The following EPS15 variants were observed in gnomAD, a reference collection of about 807,000 sequenced individuals.
EPS15 encodes the protein epidermal growth factor receptor pathway substrate 15, also known as epidermal growth factor receptor substrate 15.
A neutral mutation model predicts 113.8 loss-of-function variants in EPS15; 72 were observed. That is an observed-to-expected ratio of 0.63 (90% CI 0.52 to 0.77). The LOEUF is 0.77. Among genes scored for constraint, EPS15 ranks in the 30% least tolerant of loss-of-function variants. The pLI, the probability that EPS15 is intolerant of heterozygous loss-of-function variation, is 0.00. For missense variants in EPS15, 1,048 were observed against 1,045.8 expected (o/e 1.00, Z -0.03); for synonymous variants, 344 against 363.4 (o/e 0.95, Z 0.61).
chr1:51,458,538 A>G, intron 8 of EPS15: 1 of 445,084 alleles, frequency 2.2e-6, no homozygotes, highest in Non-Finnish European at 4.5e-6. Flanking sequence ...GGAGCTCGAG[A>G]CCAGTCTGGC....
At chr1:51,416,797 A>G (rs1199847762) in intron 13 of EPS15, among the ~76,000 whole-genome samples, 1 of 151,460 alleles carries the variant, frequency 6.6e-6, no homozygotes, top group Non-Finnish European at 1.5e-5. Flanking sequence ...AGATGCAAAC[A>G]TATCATGTTA....
At chr1:51,385,348 A>C (rs964811916) in intron 21 of EPS15, among the ~76,000 whole-genome samples, 13 of 152,208 alleles carry the variant, frequency 8.5e-5, no homozygotes, top group African/African-American at 3.1e-4. Flanking sequence ...GGGAAATACA[A>C]ATCAAAGCAA....
chr1:51,363,786 ATATAAG>A (rs1161047746), intron 23 of EPS15, 74 bp downstream of exon 23: 3 of 1,339,198 alleles, frequency 2.2e-6, no homozygotes, highest in Non-Finnish European at 3.0e-6. Context: ...AAAGCCATTT[ATATAAG>A]TAAGTTCCGC....
At chr1:51,512,466 T>C (rs926155493) in intron 1 of EPS15, among the ~76,000 whole-genome samples, 7 of 151,916 alleles carry the variant, frequency 4.6e-5, no homozygotes, top group Admixed American at 3.9e-4. Flanking sequence ...CAAATATTTC[T>C]ACATAATCAA....
At chr1:51,442,891 T>C (rs755192421) in intron 11 of EPS15, among the ~76,000 whole-genome samples, 2 of 151,422 alleles carry the variant, frequency 1.3e-5, no homozygotes, top group Admixed American at 6.6e-5. Flanking sequence ...ATGGAAAAAA[T>C]AGTCCAAACT....
At chr1:51,376,680 A>G (rs1557778545) in intron 21 of EPS15, among the ~76,000 whole-genome samples, 1 of 152,086 alleles carries the variant, frequency 6.6e-6, no homozygotes, top group Non-Finnish European at 1.5e-5. Context: ...CAAACAAACA[A>G]AAAAACCCAA....
chr1:51,370,863 C>G (rs1213376830), intron 21 of EPS15, among the ~76,000 whole-genome samples: 1 of 151,886 alleles, frequency 6.6e-6, no homozygotes, highest in African/African-American at 2.4e-5. Context: ...AGGTGATCCA[C>G]CCACCTCAGC....
chr1:51,414,144 G>T (rs1246688516), intron 13 of EPS15, among the ~76,000 whole-genome samples: 1 of 152,160 alleles, frequency 6.6e-6, no homozygotes, highest in Non-Finnish European at 1.5e-5. Flanking sequence ...CGGCAAAGTG[G>T]CTCATGCCTG....
intron 1 of EPS15, among the ~76,000 whole-genome samples, chr1:51,510,994 C>G (rs530504594): frequency 1.3e-5 from 2 of 150,792 alleles, no homozygotes; most frequent in East Asian, 3.9e-4. Flanking sequence ...GGTGAAACCC[C>G]GTCTCTACTA....
At chr1:51,383,616 G>C (rs1646990658) in intron 21 of EPS15, among the ~76,000 whole-genome samples, 1 of 152,180 alleles carries the variant, frequency 6.6e-6, no homozygotes. Context: ...TCAGGCATTA[G>C]GTACTGCTCA....
intron 20 of EPS15, among the ~76,000 whole-genome samples, chr1:51,397,581 T>C (rs147248609): frequency 1.3e-3 from 193 of 152,270 alleles, no homozygotes; most frequent in African/African-American, 4.4e-3. Context: ...TGGGTCCACA[T>C]TGCAAACTAA....
chr1:51,397,994 G>A (rs920618731), intron 20 of EPS15, among the ~76,000 whole-genome samples: 1 of 151,396 alleles, frequency 6.6e-6, no homozygotes, highest in Admixed American at 6.6e-5. Flanking sequence ...ATGGAAGCTT[G>A]TTAAAATATT....
intron 12 of EPS15, among the ~76,000 whole-genome samples, chr1:51,432,459 T>C (rs543922621): frequency 6.6e-6 from 1 of 152,130 alleles, no homozygotes; most frequent in Non-Finnish European, 1.5e-5. Context: ...TGAGCCACCA[T>C]GCCCAGCCTA....
chr1:51,384,994 A>G (rs1281838800), intron 21 of EPS15, among the ~76,000 whole-genome samples: 2 of 152,222 alleles, frequency 1.3e-5, no homozygotes, highest in African/African-American at 2.4e-5. Flanking sequence ...TATAAAACTT[A>G]TCGGGGAAAT....
chr1:51,485,227 A>G (rs987061455), intron 1 of EPS15, among the ~76,000 whole-genome samples: 1 of 152,226 alleles, frequency 6.6e-6, no homozygotes, highest in Admixed American at 6.5e-5. Flanking sequence ...TTTAAGGATA[A>G]GACTGATACT....
intron 6 of EPS15, among the ~76,000 whole-genome samples, chr1:51,464,026 C>T (rs1167923250): frequency 6.6e-6 from 1 of 152,066 alleles, no homozygotes; most frequent in African/African-American, 2.4e-5. Context: ...TGGTGTTGCC[C>T]ATTCTTTTTG....
chr1:51,363,623 G>A (rs1274717249), intron 23 of EPS15, among the ~76,000 whole-genome samples: 1 of 151,860 alleles, frequency 6.6e-6, no homozygotes, highest in Non-Finnish European at 1.5e-5. Flanking sequence ...AAATGATTAA[G>A]TTAAAAAAAA....
chr1:51,493,583 T>TA (rs1429350441), intron 1 of EPS15, among the ~76,000 whole-genome samples: 2 of 147,006 alleles, frequency 1.4e-5, no homozygotes, highest in Non-Finnish European at 3.0e-5. Flanking sequence ...TAAATAAAAA[T>TA]AAAGCTCTAT....
chr1:51,484,409 T>C (rs759356808), intron 1 of EPS15, among the ~76,000 whole-genome samples: 2 of 151,996 alleles, frequency 1.3e-5, no homozygotes, highest in Non-Finnish European at 2.9e-5. Flanking sequence ...TTAAAAAAAT[T>C]TTTTAAATAA....
Sources: allele counts gnomAD v4.1 joint callset (sites outside exome capture counted in the v4.1 genomes callset), GRCh38; gene constraint gnomAD v4.1.1; transcripts MANE v1.5; gene names NCBI Gene and HGNC (gene_info 2026-07-23, HGNC 2026-07-21).